The following GTF2IRD1 variants were observed in gnomAD, a reference collection of about 807,000 sequenced individuals.
GTF2IRD1 encodes the protein GTF2I repeat domain containing 1.
GTF2IRD1 carries 26 observed loss-of-function variants against 113.2 expected under a neutral mutation model. The observed-to-expected ratio is 0.23, with a 90% CI of 0.17 to 0.32. GTF2IRD1 has a LOEUF of 0.32. GTF2IRD1 is among the 10% of genes least tolerant of loss of function. GTF2IRD1 has a pLI of 1.00. For missense variants in GTF2IRD1, 864 were observed against 1,280.8 expected, an observed-to-expected ratio of 0.67 and a Z score of 4.97; for synonymous variants, 484 against 529.1, an observed-to-expected ratio of 0.91 and a Z score of 1.17.
At chr7:74,477,363 C>A (rs1280997787) in intron 1 of GTF2IRD1, among the ~76,000 whole-genome samples, 31 of 133,768 alleles carry the variant, frequency 2.3e-4, no homozygotes, top group Middle Eastern at 3.8e-3. Flanking sequence ...TTTTTGTGTC[C>A]AAAAAAAAAA....
chr7:74,459,319 G>C (rs1015958648), intron 1 of GTF2IRD1, among the ~76,000 whole-genome samples: 1 of 152,014 alleles, frequency 6.6e-6, no homozygotes, highest in Non-Finnish European at 1.5e-5. Context: ...TTAGCCAGGC[G>C]TAGTGGCGGG....
intron 22 of GTF2IRD1, among the ~76,000 whole-genome samples, chr7:74,565,943 A>G (rs1441616065): frequency 6.6e-6 from 1 of 151,844 alleles, no homozygotes; most frequent in Admixed American, 6.6e-5. Context: ...ATGATCACAA[A>G]GCTCACATCA....
At chr7:74,566,618 A>C (rs1424328575) in intron 22 of GTF2IRD1, among the ~76,000 whole-genome samples, 2 of 152,210 alleles carry the variant, frequency 1.3e-5, no homozygotes, top group Non-Finnish European at 2.9e-5. Flanking sequence ...CTGGGATTAC[A>C]GGTGTGAGCC....
At chr7:74,508,244 G>C in intron 2 of GTF2IRD1, 41 bp downstream of exon 2, 2 of 1,587,118 alleles carry the variant, frequency 1.3e-6, no homozygotes, top group Non-Finnish European at 8.6e-7. Flanking sequence ...GACAGGGTGA[G>C]CGTCCCCACC....
intron 8 of GTF2IRD1, among the ~76,000 whole-genome samples, chr7:74,525,039 C>T (rs1464485318): frequency 1.3e-5 from 2 of 151,170 alleles, no homozygotes; most frequent in Admixed American, 6.6e-5. Flanking sequence ...CCTATCTCTA[C>T]AAAAAAACAA....
At chr7:74,491,179 A>ATG (rs1795315264) in intron 1 of GTF2IRD1, among the ~76,000 whole-genome samples, 2 of 151,768 alleles carry the variant, frequency 1.3e-5, no homozygotes, top group Non-Finnish European at 1.5e-5. Context: ...GGTGGCAGGC[A>ATG]CCTGTAATCC....
intron 23 of GTF2IRD1, among the ~76,000 whole-genome samples, 155 bp from the exon 24 acceptor site, chr7:74,590,670 C>T (rs1363823916): frequency 1.3e-5 from 2 of 152,202 alleles, no homozygotes; most frequent in East Asian, 1.9e-4. Context: ...GGATTACAGG[C>T]GTGAGCCACT....
intron 1 of GTF2IRD1, among the ~76,000 whole-genome samples, chr7:74,503,309 G>A (rs1372356441): frequency 6.6e-6 from 1 of 152,162 alleles, no homozygotes; most frequent in Non-Finnish European, 1.5e-5. Context: ...ACAGGTGGGC[G>A]GAGCAAAATC....
At chr7:74,513,062 C>T (rs1796725912) in intron 3 of GTF2IRD1, 91 bp downstream of exon 3, 1 of 1,305,848 alleles carries the variant, frequency 7.7e-7, no homozygotes, top group Non-Finnish European at 1.1e-6. Context: ...CCTGTCTAGC[C>T]AGGGTGGCGG....
At chr7:74,528,755 ATGAATGG>A (rs1562838328) in intron 8 of GTF2IRD1, among the ~76,000 whole-genome samples, 114 of 102,796 alleles carry the variant, frequency 1.1e-3, no homozygotes, top group Non-Finnish European at 1.9e-3. Flanking sequence ...GGATGGATGG[ATGAATGG>A]ATGGATGGGC....
intron 1 of GTF2IRD1, among the ~76,000 whole-genome samples, chr7:74,457,925 C>T (rs1554327863): frequency 6.8e-6 from 1 of 146,986 alleles, no homozygotes; most frequent in Admixed American, 7.0e-5. Flanking sequence ...GTCGCCCAGG[C>T]TGGCATGCAG....
chr7:74,454,758 G>C (rs1306728922), intron 1 of GTF2IRD1, among the ~76,000 whole-genome samples: 1 of 152,194 alleles, frequency 6.6e-6, no homozygotes, highest in Non-Finnish European at 1.5e-5. Context: ...CTGAATCCCG[G>C]GTGGAGGGGA....
Position 74,581,993 on chromosome 7 carries a change from C to T in GTF2IRD1, c.2321-7858C>T, listed in dbSNP as rs187656975. ...CTGCGCTCCAGCCTGGGCAACAGAGCCAGACCATCTCAACTCAAAAAAATA... is the reference window on the plus strand; with the variant it reads ...CTGCGCTCCAGCCTGGGCAACAGAGTCAGACCATCTCAACTCAAAAAAATA... On this transcript the variant is annotated intron_variant, in intron 22 of 26. Transcript: ENST00000424337. Among the ~76,000 whole-genome samples the T allele has an allele frequency of 1.9e-4, 29 of 152,226 alleles. No homozygotes were observed. The East Asian group carries it at 3.5e-3, about 18-fold the overall frequency.
chr7:74,480,243 C>T lies in GTF2IRD1; in HGVS notation c.-7+26067C>T, dbSNP rs77654770. On this transcript the variant is annotated intron_variant, in intron 1 of 26. Coordinates refer to ENST00000424337, the MANE Select transcript of GTF2IRD1 (RefSeq NM_005685.4). ...GGAGCACCTGCTGTTGGGCCCTGTG[C>T]GGTGTGGGACACAGTGTGAGAGAGT... is the stretch of plus-strand genomic sequence containing the variant. 9.8e-3 allele frequency among the ~76,000 whole-genome samples: 1,498 copies of T among 152,092 alleles called. 12 individuals are homozygous for T. Among genetic ancestry groups the T allele is most frequent in the Non-Finnish European group, 0.016 (1,063 of 67,980 alleles).
At chr7:74,479,639 G>T (rs1386383544) in intron 1 of GTF2IRD1, among the ~76,000 whole-genome samples, 2 of 152,046 alleles carry the variant, frequency 1.3e-5, no homozygotes, top group African/African-American at 4.8e-5. Context: ...ACCTCCTCCA[G>T]GAAGCCCCAC....
At chr7:74,523,583 G>T (rs950882417) in intron 7 of GTF2IRD1, among the ~76,000 whole-genome samples, 8 of 151,998 alleles carry the variant, frequency 5.3e-5, no homozygotes, top group Non-Finnish European at 1.0e-4. Flanking sequence ...AGCCAGGTGT[G>T]GTGGCAGGTG....
intron 5 of GTF2IRD1, 95 bp from the exon 6 acceptor site, chr7:74,519,314 T>C: frequency 2.5e-6 from 2 of 804,304 alleles, no homozygotes; most frequent in South Asian, 4.2e-5. Context: ...GCTGTTATGT[T>C]CTGCAGAGGG....
chr7:74,539,749 A>G lies in GTF2IRD1; in HGVS notation c.1529-130A>G, dbSNP rs1798518876. On this transcript the variant is annotated intron_variant, in intron 13 of 26. Coordinates refer to ENST00000424337, the MANE Select transcript of GTF2IRD1 (RefSeq NM_005685.4). ...ACAGAGTGAGACTCCATCTCAAACC[A>G]AAAAAAAAAAAGAGACAGAAAGAAA... 1.1e-4 allele frequency: 22 copies of G among 196,718 alleles called. No individual in the cohort carries two copies. In the South Asian group the frequency reaches 2.6e-3, roughly 24 times the overall value. 12.2% of individuals were successfully genotyped at this position (196,718 alleles called of 1,614,324 possible).
chr7:74,556,709 C>T (rs1196773423), intron 19 of GTF2IRD1, among the ~76,000 whole-genome samples: 9 of 149,466 alleles, frequency 6.0e-5, no homozygotes, highest in Admixed American at 2.7e-4. Flanking sequence ...CTACAACCTC[C>T]ACCTCCCAGG....
Sources: gnomAD v4.1 joint callset for allele counts (sites outside exome capture counted in the v4.1 genomes callset) on GRCh38, gnomAD v4.1.1 for gene constraint, MANE v1.5 for transcripts, NCBI Gene and HGNC (gene_info 2026-07-23, HGNC 2026-07-21) for gene names.